Variants in C1orf87 observed in about 807,000 individuals in gnomAD.
C1orf87 encodes the protein chromosome 1 open reading frame 87, also known as uncharacterized protein C1orf87.
Under a neutral mutation model 60.5 loss-of-function variants are expected in C1orf87, and 58 were observed. The ratio of observed to expected loss-of-function variants is 0.96; its 90% confidence interval spans 0.78 to 1.19. The LOEUF is 1.19. Among genes scored for constraint, C1orf87 ranks in the 50% most tolerant of loss-of-function variants. The pLI, the probability that C1orf87 is intolerant of heterozygous loss-of-function variation, is 0.00. For synonymous variants in C1orf87, 236 were observed against 227.4 expected (o/e 1.04, Z -0.34); for missense variants, 673 against 638.6 (o/e 1.05, Z -0.58).
intron 1 of C1orf87, 143 bp from the exon 2 acceptor site, chr1:60,072,813 T>C (rs531934393): frequency 3.6e-6 from 2 of 554,332 alleles, no homozygotes; most frequent in East Asian, 3.0e-5. Flanking sequence ...AACAAAGGCA[T>C]GAGAAAGATA....
chr1:60,046,056 C>G (rs1236969973), intron 3 of C1orf87, among the ~76,000 whole-genome samples: 2 of 152,074 alleles, frequency 1.3e-5, no homozygotes, highest in African/African-American at 4.8e-5. Context: ...ATCTCTTACA[C>G]CTTTTAAAAT....
intron 9 of C1orf87, among the ~76,000 whole-genome samples, chr1:60,002,646 A>G (rs1002440014): frequency 1.3e-5 from 2 of 151,984 alleles, no homozygotes; most frequent in Non-Finnish European, 2.9e-5. Context: ...ATTAGATCCC[A>G]TTTGTCAATT....
At chr1:60,008,630 G>A (rs1362063565) in intron 9 of C1orf87, 1 of 446,416 alleles carries the variant, frequency 2.2e-6, no homozygotes, top group East Asian at 7.0e-5. Flanking sequence ...GCCATGTGAG[G>A]ACACATCAAG....
chr1:59,994,373 C>G (rs1437984779), intron 11 of C1orf87, among the ~76,000 whole-genome samples: 1 of 151,992 alleles, frequency 6.6e-6, no homozygotes, highest in Non-Finnish European at 1.5e-5. Context: ...GGCTCACCAT[C>G]CTACTGGCTA....
chr1:60,043,650 C>T (rs1213657503), intron 3 of C1orf87, among the ~76,000 whole-genome samples: 1 of 152,170 alleles, frequency 6.6e-6, no homozygotes, highest in Non-Finnish European at 1.5e-5. Context: ...TCCCAAAGTG[C>T]TGGGATTATA....
At chr1:60,051,434 C>T (rs930021866) in intron 3 of C1orf87, among the ~76,000 whole-genome samples, 3 of 152,258 alleles carry the variant, frequency 2.0e-5, no homozygotes, top group Admixed American at 6.5e-5. Context: ...TGAGTTTGTT[C>T]TCTTAAAATG....
At chr1:60,010,015 C>CTT (rs34236824) in intron 9 of C1orf87, among the ~76,000 whole-genome samples, 20 of 143,082 alleles carry the variant, frequency 1.4e-4, no homozygotes, top group Middle Eastern at 3.7e-3. Context: ...TCTCACAGGT[C>CTT]TTTTTTTTTT....
intron 11 of C1orf87, among the ~76,000 whole-genome samples, chr1:59,992,329 C>T (rs1418821668): frequency 1.3e-5 from 2 of 151,884 alleles, no homozygotes; most frequent in Non-Finnish European, 2.9e-5. Flanking sequence ...GATCATGGCT[C>T]ACTGTAGCCT....
intron 10 of C1orf87, among the ~76,000 whole-genome samples, chr1:60,000,471 C>A (rs912971397): frequency 2.0e-5 from 3 of 151,950 alleles, no homozygotes; most frequent in African/African-American, 7.2e-5. Flanking sequence ...AGGAGGCCTC[C>A]CGTCATTTTA....
intron 8 of C1orf87, among the ~76,000 whole-genome samples, chr1:60,015,961 G>C (rs1224345245): frequency 6.6e-6 from 1 of 152,152 alleles, no homozygotes; most frequent in Admixed American, 6.5e-5. Context: ...AGGTTGGCCA[G>C]GCTGGTGTTG....
At chr1:60,065,242 T>G (rs963644306) in intron 2 of C1orf87, among the ~76,000 whole-genome samples, 1 of 150,918 alleles carries the variant, frequency 6.6e-6, no homozygotes, top group African/African-American at 2.4e-5. Context: ...TTGGGCAAAC[T>G]TGAGACCTGT....
At chr1:60,054,202 G>A (rs1363866917) in intron 3 of C1orf87, among the ~76,000 whole-genome samples, 1 of 152,196 alleles carries the variant, frequency 6.6e-6, no homozygotes, top group Admixed American at 6.5e-5. Context: ...AGAGGCTTGA[G>A]TGACAGCTCA....
chr1:60,009,996 A>G (rs1030574805), intron 9 of C1orf87, among the ~76,000 whole-genome samples: 3 of 150,742 alleles, frequency 2.0e-5, no homozygotes, highest in African/African-American at 7.3e-5. Flanking sequence ...CACTAAACAT[A>G]TATATACATC....
At chr1:60,009,651 C>G (rs141439957) in intron 9 of C1orf87, among the ~76,000 whole-genome samples, 1 of 92,206 alleles carries the variant, frequency 1.1e-5, no homozygotes, top group Non-Finnish European at 2.1e-5. Flanking sequence ...CACACACATG[C>G]GTGCACATTC....
intron 7 of C1orf87, among the ~76,000 whole-genome samples, chr1:60,026,558 G>T (rs1331498499): frequency 1.3e-5 from 2 of 151,816 alleles, no homozygotes; most frequent in African/African-American, 4.8e-5. Flanking sequence ...GGAAACAAGG[G>T]AGGGAGAGAG....
intron 3 of C1orf87, among the ~76,000 whole-genome samples, chr1:60,051,925 C>A (rs1337882020): frequency 1.3e-5 from 2 of 152,118 alleles, no homozygotes; most frequent in Non-Finnish European, 2.9e-5. Flanking sequence ...AGGGGTGAGA[C>A]CATTCTGTGA....
intron 3 of C1orf87, among the ~76,000 whole-genome samples, chr1:60,047,752 C>G (rs1346115111): frequency 7.1e-6 from 1 of 141,824 alleles, no homozygotes; most frequent in Admixed American, 6.9e-5. Context: ...AAAGAGAAAA[C>G]CATCAGGATA....
intron 8 of C1orf87, among the ~76,000 whole-genome samples, chr1:60,011,328 A>G (rs1406545694): frequency 6.6e-6 from 1 of 152,018 alleles, no homozygotes; most frequent in Non-Finnish European, 1.5e-5. Context: ...CCTTTTGAAT[A>G]CAGTATGGAT....
intron 2 of C1orf87, among the ~76,000 whole-genome samples, chr1:60,061,517 A>T (rs1057467546): frequency 3.3e-5 from 5 of 152,094 alleles, no homozygotes; most frequent in Non-Finnish European, 2.9e-5. Flanking sequence ...ATTGTTGAAC[A>T]TTAATTTGAT....
Sources: allele counts gnomAD v4.1 joint callset (sites outside exome capture counted in the v4.1 genomes callset), GRCh38; gene constraint gnomAD v4.1.1; transcripts MANE v1.5; gene names NCBI Gene and HGNC (gene_info 2026-07-23, HGNC 2026-07-21).